Variants in TRDMT1 observed in about 807,000 individuals in gnomAD.
TRDMT1 encodes the protein tRNA (cytosine(38)-C(5))-methyltransferase.
In TRDMT1, 49 loss-of-function variants were observed where a neutral mutation model predicts 51.2. That is an observed-to-expected ratio of 0.96 (90% confidence interval 0.76 to 1.21). TRDMT1 has a LOEUF of 1.21. Among genes scored for constraint, TRDMT1 ranks in the 50% most tolerant of loss-of-function variants. TRDMT1 has a pLI of 0.00. For missense variants in TRDMT1, 534 were observed against 462.3 expected, an observed-to-expected ratio of 1.16 and a Z score of -1.42; for synonymous variants, 187 against 164.6, an observed-to-expected ratio of 1.14 and a Z score of -1.04.
At chr10:17,159,334 C>T in intron 6 of TRDMT1, 105 bp from the exon 7 acceptor site, 2 of 683,146 alleles carry the variant, frequency 2.9e-6, no homozygotes, top group Non-Finnish European at 4.8e-6. Context: ...AACGAGCCTA[C>T]ATTTAGCTTC....
At chr10:17,174,025 A>T (rs1026526806) in intron 2 of TRDMT1, among the ~76,000 whole-genome samples, 1 of 152,172 alleles carries the variant, frequency 6.6e-6, no homozygotes, top group African/African-American at 2.4e-5. Flanking sequence ...GGCCTCCCAA[A>T]GTGCTGGCAT....
Position 17,144,389 on chromosome 10 carries a change from T to A in TRDMT1, c.*4651A>T, listed in dbSNP as rs1459957347. Reference sequence around the variant, plus strand: ...AGAAATGAAAAAACCCTAGGCTTATTCAGAAAAGAGTTCTATGGGAGAACT... The same window carrying A: ...AGAAATGAAAAAACCCTAGGCTTATACAGAAAAGAGTTCTATGGGAGAACT... On this transcript the variant is annotated 3_prime_UTR_variant, in exon 11 of 11. Transcript: ENST00000377799. 1.0e-6 allele frequency: 1 copy of A among 985,468 alleles called. No individual in the cohort carries two copies. The highest frequency in any genetic ancestry group is 1.2e-6 in the Non-Finnish European group (1 of 829,920). 61.0% of individuals were successfully genotyped at this position (985,468 alleles called of 1,614,324 possible).
Position 17,144,267 on chromosome 10 carries a change from A to G in TRDMT1, c.*4773T>C. Reference sequence around the variant, plus strand: ...CATGTTCTCTATGTACACTCTTATAATTTCAATCTGTCCTGATAAAAATAG... The same window carrying G: ...CATGTTCTCTATGTACACTCTTATAGTTTCAATCTGTCCTGATAAAAATAG... On this transcript the variant is annotated 3_prime_UTR_variant, in exon 11 of 11. Transcript: ENST00000377799. 2 of 985,620 alleles carry G rather than the reference A, an allele frequency of 2.0e-6. No individual in the cohort carries two copies. Among genetic ancestry groups the G allele is most frequent in the Non-Finnish European group, 2.4e-6 (2 of 829,924 alleles). 61.1% of individuals were successfully genotyped at this position (985,620 alleles called of 1,614,324 possible).
In TRDMT1 at chr10:17,141,412, C is replaced by A. The variant is rs1462965073; in HGVS notation, c.*7628G>T. Among the ~76,000 whole-genome samples, 2 of 152,106 alleles carry A rather than the reference C, an allele frequency of 1.3e-5. No individual in the cohort carries two copies. Among genetic ancestry groups the A allele is most frequent in the South Asian group, 4.1e-4 (2 of 4,824 alleles). ...CCTGACCTTATGATCTGCCCCCCTTCGCCTCCTAAAGTGCTGGGATTACAG... is the reference window on the plus strand; with the variant it reads ...CCTGACCTTATGATCTGCCCCCCTTAGCCTCCTAAAGTGCTGGGATTACAG... On this transcript the variant is annotated 3_prime_UTR_variant, in exon 11 of 11. Transcript: ENST00000377799.
intron 1 of TRDMT1, among the ~76,000 whole-genome samples, chr10:17,187,778 T>C (rs1844142711): frequency 6.6e-6 from 1 of 152,192 alleles, no homozygotes. Context: ...CTGACCTTTT[T>C]CTGTGTCTAA....
At chr10:17,181,661 T>C (rs1003836796) in intron 1 of TRDMT1, among the ~76,000 whole-genome samples, 11 of 116,968 alleles carry the variant, frequency 9.4e-5, no homozygotes. Flanking sequence ...TTTTAAGTAA[T>C]TGTTTGACAT....
rs776309967 is a variant in TRDMT1, at chr10:17,143,441, C to A, written c.*5599G>T. 7.1e-6 allele frequency: 7 copies of A among 985,436 alleles called. No individual in the cohort carries two copies. The South Asian group carries it at 1.4e-4, about 20-fold the overall frequency. 61.0% of individuals were successfully genotyped at this position (985,436 alleles called of 1,614,324 possible). On this transcript the variant is annotated 3_prime_UTR_variant, in exon 11 of 11. Transcript: ENST00000377799. The stretch of plus-strand genomic sequence containing the variant: ...CAGCTCTTAAATATGAAAGTCAACT[C>A]ATTTCTACTACACAAGGAGTATCAC...
intron 8 of TRDMT1, among the ~76,000 whole-genome samples, chr10:17,156,945 AT>A (rs1839601551): frequency 6.6e-6 from 1 of 152,208 alleles, no homozygotes; most frequent in Non-Finnish European, 1.5e-5. Flanking sequence ...AATCTTAGTT[AT>A]CTTTTGAATT....
Position 17,143,401 on chromosome 10 carries a change from A to G in TRDMT1, c.*5639T>C, listed in dbSNP as rs1311113708. 1 of 985,314 alleles carries G rather than the reference A, an allele frequency of 1.0e-6. No homozygotes were observed. Among genetic ancestry groups the G allele is most frequent in the Non-Finnish European group, 1.2e-6 (1 of 829,920 alleles). The allele number at this position is 985,314 out of a possible 1,614,324, so 61.0% of individuals were successfully genotyped here. On this transcript the variant is annotated 3_prime_UTR_variant, in exon 11 of 11. Transcript: ENST00000377799. ...GTAACAGCTATTCAGCTTATTGTCT[A>G]CTCATTCATAGGATCAGCTCTTAAA... is the stretch of plus-strand genomic sequence containing the variant.
Position 17,158,950 on chromosome 10 carries a change from T to C in TRDMT1, c.543+196A>G, listed in dbSNP as rs1278504093. 3.3e-5 allele frequency among the ~76,000 whole-genome samples: 5 copies of C among 152,160 alleles called. 1 individual carries two copies. The East Asian group carries it at 9.6e-4, about 29-fold the overall frequency. On this transcript the variant is annotated intron_variant, in intron 7 of 10. Coordinates refer to ENST00000377799, the MANE Select transcript of TRDMT1 (RefSeq NM_004412.7). The stretch of plus-strand genomic sequence containing the variant: ...AAAGAAACATTGTTTTGTTTTGTTT[T>C]TGTTTTGTTTTAAAACAATAAAAGT...
At chr10:17,194,460 A>G (rs1325438431) in intron 1 of TRDMT1, among the ~76,000 whole-genome samples, 3 of 152,206 alleles carry the variant, frequency 2.0e-5, no homozygotes, top group African/African-American at 7.2e-5. Flanking sequence ...CAACTGAACA[A>G]GCAAAAAACA....
chr10:17,147,159 C>T lies in TRDMT1; in HGVS notation c.*1881G>A, dbSNP rs1838190285. The T allele has an allele frequency of 2.0e-6, 2 of 985,474 alleles. No homozygotes were observed. Among genetic ancestry groups the T allele is most frequent in the Non-Finnish European group, 2.4e-6 (2 of 829,746 alleles). 61.0% of individuals were successfully genotyped at this position (985,474 alleles called of 1,614,324 possible). ...TTCATAGTTACAGTAAAACTCTAAA[C>T]CATTTTATTTAGAATATTTCAGCAG... On this transcript the variant is annotated 3_prime_UTR_variant, in exon 11 of 11. Coordinates refer to ENST00000377799, the MANE Select transcript of TRDMT1 (RefSeq NM_004412.7).
In TRDMT1 at chr10:17,140,873, T is replaced by C. The variant is rs1398054490; in HGVS notation, c.*8167A>G. Among the ~76,000 whole-genome samples the C allele has an allele frequency of 6.6e-6, 1 of 152,252 alleles. No individual in the cohort carries two copies. Among genetic ancestry groups the C allele is most frequent in the African/African-American group, 2.4e-5 (1 of 41,472 alleles). ...ACAGTTATAATCATTAGCTATACGT[T>C]AGGTGTCTTCCTTTCATCTTTGATT... is the stretch of plus-strand genomic sequence containing the variant. On this transcript the variant is annotated 3_prime_UTR_variant, in exon 11 of 11. Coordinates refer to ENST00000377799, the MANE Select transcript of TRDMT1 (RefSeq NM_004412.7).
chr10:17,201,480 T>A, intron 1 of TRDMT1, 91 bp downstream of exon 1: 1 of 1,318,732 alleles, frequency 7.6e-7, no homozygotes. Flanking sequence ...TGTCCGCCCC[T>A]TGCGTCTCGC....
At chr10:17,171,111 A>ATGTGTGTG (rs66891484) in intron 2 of TRDMT1, among the ~76,000 whole-genome samples, 1,983 of 142,906 alleles carry the variant, frequency 0.014, 20 homozygotes, top group Admixed American at 0.022. Flanking sequence ...CTGGATTTAG[A>ATGTGTGTG]TGTGTGTGTG....
rs1359626607 is a variant in TRDMT1 at position 17,141,048 on chromosome 10, T to G, written c.*7992A>C. ...ATAGTTTGGCTAGATATAGAATTCA[T>G]AGTTGACAATGCCACCTCCTTCTGG... On this transcript the variant is annotated 3_prime_UTR_variant, in exon 11 of 11. Transcript: ENST00000377799. Among the ~76,000 whole-genome samples, 1 of 152,266 alleles carries G rather than the reference T, an allele frequency of 6.6e-6. No individual in the cohort carries two copies. The highest frequency in any genetic ancestry group is 2.4e-5 in the African/African-American group (1 of 41,478).
Position 17,148,927 on chromosome 10 carries a change from A to C in TRDMT1, c.*113T>G. On this transcript the variant is annotated 3_prime_UTR_variant, in exon 11 of 11. Transcript: ENST00000377799. ...AAAATCCAAATTTCTTAATAAGGAC[A>C]GATTAAAATAATTTAGTTAAATTTC... 1 of 1,365,496 alleles carries C rather than the reference A, an allele frequency of 7.3e-7. No individual in the cohort carries two copies. The allele number at this position is 1,365,496 out of a possible 1,614,324, so 84.6% of individuals were successfully genotyped here.
At position 17,162,185 on chromosome 10, in the gene TRDMT1, T is replaced by C; in HGVS notation, c.304A>G (p.Ile102Val). 3 of 1,608,040 alleles carry C rather than the reference T, an allele frequency of 1.9e-6. No homozygotes were observed. The highest frequency in any genetic ancestry group is 2.5e-6 in the Non-Finnish European group (3 of 1,177,774). ...TDSRTNSFLH[I>V]LDILPRLQKL... ...TTTTACCTTGGGAGAATATCTAGAA[T>C]ATGTAAGAAGCTATTCGTCCTTGAA... The change falls in exon 4 of 11, where the codon ATT becomes GTT. Residue 102 changes from isoleucine (I) to valine (V), a missense_variant. Transcript: ENST00000377799.
In TRDMT1 at chr10:17,146,199, C is replaced by T. The variant is rs1056291293; in HGVS notation, c.*2841G>A. 9.1e-6 allele frequency: 9 copies of T among 985,346 alleles called. No homozygotes were observed. Among genetic ancestry groups the T allele is most frequent in the Non-Finnish European group, 1.1e-5 (9 of 829,944 alleles). The allele number at this position is 985,346 out of a possible 1,614,324, so 61.0% of individuals were successfully genotyped here. ...AATTTCTAAAAAAGTGCTGGGTGGA[C>T]CCTCACTGTTCACAATTTCAACTAC... On this transcript the variant is annotated 3_prime_UTR_variant, in exon 11 of 11. Transcript: ENST00000377799.
Sources: allele counts gnomAD v4.1 joint callset (sites outside exome capture counted in the v4.1 genomes callset), GRCh38; gene constraint gnomAD v4.1.1; transcripts MANE v1.5; gene names NCBI Gene and HGNC (gene_info 2026-07-23, HGNC 2026-07-21).